Variants in CAST observed in about 807,000 individuals in gnomAD.
CAST encodes the protein MIR583 host.
Under a neutral mutation model 119.6 loss-of-function variants are expected in CAST, and 76 were observed. That is an observed-to-expected ratio of 0.64 (90% CI 0.53 to 0.77). The LOEUF (loss-of-function observed/expected upper bound fraction) is 0.77. CAST is among the 30% of genes least tolerant of loss of function. The probability of loss-of-function intolerance (pLI) is 0.00; values close to 1 mark genes in which losing one functional copy is unlikely to be tolerated. For missense variants in CAST, 953 were observed against 946.5 expected, an observed-to-expected ratio of 1.01 and a Z score of -0.09; for synonymous variants, 319 against 331.6, an observed-to-expected ratio of 0.96 and a Z score of 0.41.
chr5:96,238,390 T>TCTCCTTCTA, the CAST span, among the ~76,000 whole-genome samples: 1 of 143,670 alleles, frequency 7.0e-6, no homozygotes, highest in Non-Finnish European at 1.5e-5. Flanking sequence ...TTCTCCTTCT[T>TCTCCTTCTA]CTTCTTCTTT....
the CAST span, among the ~76,000 whole-genome samples, chr5:96,478,649 T>C: frequency 6.6e-6 from 1 of 152,240 alleles, no homozygotes; most frequent in Non-Finnish European, 1.5e-5. Flanking sequence ...CCACATTAAA[T>C]GGATTAACAT....
the CAST span, among the ~76,000 whole-genome samples, chr5:96,440,173 C>T: frequency 3.6e-4 from 41 of 115,404 alleles, no homozygotes; most frequent in Middle Eastern, 9.1e-3. Flanking sequence ...GTTTATCCCA[C>T]CTTTTTTTTT....
At chr5:96,068,434 C>T in the CAST span, among the ~76,000 whole-genome samples, 1 of 152,080 alleles carries the variant, frequency 6.6e-6, no homozygotes, top group African/African-American at 2.4e-5. Context: ...CTGTGCCCTA[C>T]TGCCTCACAT....
chr5:96,586,982 C>A (rs1426400195), intron 1 of CAST, among the ~76,000 whole-genome samples: 1 of 152,198 alleles, frequency 6.6e-6, no homozygotes, highest in Non-Finnish European at 1.5e-5. Flanking sequence ...TACTCAAGAT[C>A]ATCAAGGTAG....
intron 22 of CAST, 63 bp from the exon 23 acceptor site, chr5:96,757,381 A>G (rs1766537405): frequency 3.5e-6 from 5 of 1,422,584 alleles, no homozygotes; most frequent in African/African-American, 1.4e-5. Context: ...AATGTTTACA[A>G]GGTTTCATAC....
chr5:96,766,670 T>C (rs926951876), intron 27 of CAST, among the ~76,000 whole-genome samples: 12 of 152,234 alleles, frequency 7.9e-5, no homozygotes, highest in African/African-American at 2.9e-4. Context: ...CCTGGCCTTT[T>C]GTCTCCCACA....
chr5:96,420,472 C>G, the CAST span, among the ~76,000 whole-genome samples: 2 of 152,160 alleles, frequency 1.3e-5, no homozygotes, highest in Non-Finnish European at 2.9e-5. Flanking sequence ...GTTTTCACCT[C>G]TAAGGGATAT....
At chr5:96,355,829 G>A in the CAST span, among the ~76,000 whole-genome samples, 10 of 152,198 alleles carry the variant, frequency 6.6e-5, no homozygotes, top group Admixed American at 4.6e-4. Flanking sequence ...AGCCTCCCGA[G>A]TAGCTGGGAC....
chr5:96,602,773 G>C (rs1459691351), intron 1 of CAST, among the ~76,000 whole-genome samples: 3 of 152,100 alleles, frequency 2.0e-5, no homozygotes, highest in Non-Finnish European at 4.4e-5. Context: ...TAAATAACAG[G>C]GTCATGATAA....
At chr5:96,505,152 T>A in the CAST span, among the ~76,000 whole-genome samples, 3 of 152,248 alleles carry the variant, frequency 2.0e-5, no homozygotes, top group Non-Finnish European at 4.4e-5. Flanking sequence ...ATGGTTAGCA[T>A]GTGCTTAGCT....
At chr5:96,542,780 C>A (rs563201947) in intron 1 of CAST, among the ~76,000 whole-genome samples, 1 of 151,828 alleles carries the variant, frequency 6.6e-6, no homozygotes, top group South Asian at 2.1e-4. Context: ...AACAAACATA[C>A]GAAAAAAAGC....
the CAST span, among the ~76,000 whole-genome samples, chr5:96,497,917 T>A: frequency 1.3e-5 from 2 of 152,262 alleles, no homozygotes; most frequent in Non-Finnish European, 2.9e-5. Context: ...TTTGGTGTTT[T>A]AGACATGAAG....
At chr5:96,042,969 C>T in the CAST span, among the ~76,000 whole-genome samples, 3 of 151,904 alleles carry the variant, frequency 2.0e-5, no homozygotes, top group East Asian at 5.8e-4. Context: ...GTCAAATAAA[C>T]CAGAAGCCCA....
chr5:96,080,099 C>A, the CAST span, among the ~76,000 whole-genome samples: 2 of 152,110 alleles, frequency 1.3e-5, no homozygotes, highest in Non-Finnish European at 2.9e-5. Flanking sequence ...TGCTACTGGC[C>A]TACGACTTAT....
chr5:96,370,242 G>T, the CAST span, among the ~76,000 whole-genome samples: 6 of 152,122 alleles, frequency 3.9e-5, no homozygotes, highest in Admixed American at 2.0e-4. Flanking sequence ...ACAATATTAG[G>T]CAGTACTGTA....
At chr5:96,395,629 A>G in the CAST span, among the ~76,000 whole-genome samples, 1 of 152,068 alleles carries the variant, frequency 6.6e-6, no homozygotes, top group African/African-American at 2.4e-5. Flanking sequence ...ACATCACACA[A>G]TGGGCCTGTC....
intron 2 of CAST, among the ~76,000 whole-genome samples, chr5:96,678,227 C>T (rs31249): frequency 0.25 from 37,909 of 152,020 alleles, 6,329 homozygotes; most frequent in African/African-American, 0.47. Flanking sequence ...TTGAACAAAA[C>T]GTGAGACTAA....
At chr5:96,155,023 C>T in the CAST span, among the ~76,000 whole-genome samples, 1 of 152,112 alleles carries the variant, frequency 6.6e-6, no homozygotes, top group Non-Finnish European at 1.5e-5. Context: ...TAAGTTATTC[C>T]AAATTCTTCT....
the CAST span, among the ~76,000 whole-genome samples, chr5:96,193,745 T>C: frequency 6.6e-6 from 1 of 152,234 alleles, no homozygotes; most frequent in African/African-American, 2.4e-5. Flanking sequence ...ATCGTTTGGA[T>C]TGGTCCAAAC....
Sources: allele counts gnomAD v4.1 joint callset (sites outside exome capture counted in the v4.1 genomes callset), GRCh38; gene constraint gnomAD v4.1.1; transcripts MANE v1.5; gene names NCBI Gene and HGNC (gene_info 2026-07-23, HGNC 2026-07-21).